PPP2R3B: variants seen among roughly 807,000 people sequenced by gnomAD.
PPP2R3B encodes the protein protein phosphatase 2 regulatory subunit B''beta, also known as serine/threonine-protein phosphatase 2A regulatory subunit B'' subunit beta.
Under a neutral mutation model 72.9 loss-of-function variants are expected in PPP2R3B, and 68 were observed. The ratio of observed to expected loss-of-function variants is 0.93; its 90% CI spans 0.77 to 1.14. The LOEUF (loss-of-function observed/expected upper bound fraction) is 1.14, where lower values mean the gene tolerates loss of function less well. PPP2R3B is among the 50% of genes most tolerant of loss of function. PPP2R3B has a pLI of 0.00. For synonymous variants in PPP2R3B, 466 were observed against 375.8 expected (o/e 1.24, Z -2.78); for missense variants, 1,018 against 842.0 (o/e 1.21, Z -2.59).
chrX:334,554 G>C, intron 12 of PPP2R3B, 37 bp from the exon 13 acceptor site: 2 of 1,469,516 alleles, frequency 1.4e-6, no homozygotes, highest in South Asian at 2.7e-5. Context: ...GGCCAGCAGC[G>C]CGGAGCAGGC....
At position 334,158 on chromosome X, in the gene PPP2R3B, C is replaced by T. The variant is rs755315889; in HGVS notation, c.*209G>A. 1.2e-4 allele frequency: 57 copies of T among 485,554 alleles called. No individual in the cohort carries two copies. The highest frequency in any genetic ancestry group is 1.5e-4 in the Non-Finnish European group (44 of 294,188). 30.1% of individuals were successfully genotyped at this position (485,554 alleles called of 1,614,324 possible). A position where few individuals can be genotyped will look rare whatever the true frequency, so the allele number is the denominator to read the frequency against. ...TCCGTGTGGGAACCCGTCCCATTCA[C>T]GCGCGGCCCTACGTGTCCCCCTGGC... On this transcript the variant is annotated 3_prime_UTR_variant, in exon 13 of 13. Coordinates refer to ENST00000390665, the MANE Select transcript of PPP2R3B (RefSeq NM_013239.5).
chrX:376,012 T>C (rs981855779), intron 1 of PPP2R3B, among the ~76,000 whole-genome samples: 20 of 152,012 alleles, frequency 1.3e-4, no homozygotes, highest in Non-Finnish European at 2.8e-4. Flanking sequence ...GCCAACATGG[T>C]GAAACCCTGT....
intron 10 of PPP2R3B, among the ~76,000 whole-genome samples, chrX:339,104 G>C (rs950692753): frequency 6.6e-6 from 1 of 151,238 alleles, no homozygotes; most frequent in East Asian, 2.0e-4. Context: ...ATGCGGAGGC[G>C]ACTAGGGGCC....
chrX:348,838 T>C (rs943044127), intron 2 of PPP2R3B, among the ~76,000 whole-genome samples: 1 of 150,804 alleles, frequency 6.6e-6, no homozygotes, highest in Non-Finnish European at 1.5e-5. Context: ...GACCAAACAT[T>C]GAAGGAAGAA....
In PPP2R3B at chrX:334,525, G is replaced by A. The variant is rs141516893; in HGVS notation, c.1578-8C>T. The A allele has an allele frequency of 2.3e-3, 3,500 of 1,531,512 alleles. 77 individuals are homozygous for A. In the African/African-American group the frequency reaches 0.042, roughly 18 times the overall value. The allele number at this position is 1,531,512 out of a possible 1,614,324, so 94.9% of individuals were successfully genotyped here. A position where few individuals can be genotyped will look rare whatever the true frequency, so the allele number is the denominator to read the frequency against. ...CTGAGCTCGGCCTCGAACCTGCAAC[G>A]AGGGGATGGCGAAGACGTGGCCAGC... On this transcript the variant is annotated splice_polypyrimidine_tract_variant and splice_region_variant and intron_variant, in intron 12 of 12. Transcript: ENST00000390665.
chrX:379,291 A>G (rs1427786305), intron 1 of PPP2R3B, among the ~76,000 whole-genome samples: 3 of 140,152 alleles, frequency 2.1e-5, no homozygotes, highest in African/African-American at 8.8e-5. Flanking sequence ...GTGTGTATGT[A>G]TCTGTGTGTA....
chrX:386,449 A>C lies in PPP2R3B; in HGVS notation c.243T>G (p.Pro81=). 2 of 1,315,266 alleles carry C rather than the reference A, an allele frequency of 1.5e-6. No individual in the cohort carries two copies. The highest frequency in any genetic ancestry group is 1.9e-6 in the Non-Finnish European group (2 of 1,029,394). 81.5% of individuals were successfully genotyped at this position (1,315,266 alleles called of 1,614,324 possible). ...LEPPGTPGPG[P]ALPLGAASSP... ...TGGAGGCGGCGCCCAGGGGCAGCGC[A>C]GGGCCCGGCCCGGGGGTTCCCGGGG... Residue 81 remains proline (P), a synonymous_variant, in exon 1 of 13, where the codon CCT becomes CCG. Transcript: ENST00000390665.
In PPP2R3B at chrX:386,874, G is replaced by T; in HGVS notation, c.-183C>A. The stretch of plus-strand genomic sequence containing the variant: ...GCGGGGCGCGGGGACCGAGGAGGGG[G>T]CGCGGTCCGGCCCGCGCTGCTCAGG... On this transcript the variant is annotated 5_prime_UTR_variant, in exon 1 of 13. Coordinates refer to ENST00000390665, the MANE Select transcript of PPP2R3B (RefSeq NM_013239.5). 1 of 209,462 alleles carries T rather than the reference G, an allele frequency of 4.8e-6. No homozygotes were observed. Among genetic ancestry groups the T allele is most frequent in the Non-Finnish European group, 9.1e-6 (1 of 109,836 alleles). The allele number at this position is 209,462 out of a possible 1,614,324, so 13.0% of individuals were successfully genotyped here.
intron 1 of PPP2R3B, among the ~76,000 whole-genome samples, chrX:376,409 G>A (rs2071995036): frequency 6.6e-6 from 1 of 152,194 alleles, no homozygotes; most frequent in Admixed American, 6.5e-5. Context: ...ATGGGGGAGG[G>A]ACAGGGCTGT....
chrX:342,020 G>T, intron 7 of PPP2R3B, 89 bp from the exon 8 acceptor site: 1 of 1,522,998 alleles, frequency 6.6e-7, no homozygotes, highest in Non-Finnish European at 9.1e-7. Context: ...ATGCGGTGGG[G>T]ACCGAAAAGC....
intron 1 of PPP2R3B, among the ~76,000 whole-genome samples, chrX:378,191 G>A (rs2072041238): frequency 1.3e-5 from 2 of 152,184 alleles, no homozygotes. Flanking sequence ...ATTGCCATCT[G>A]GGCCGATGAA....
In PPP2R3B at chrX:338,680, C is replaced by T. The variant is rs371032589; in HGVS notation, c.1501G>A (p.Asp501Asn). The stretch of plus-strand genomic sequence containing the variant: ...TCCTCGGCCGCGTACTTCTCCCAGT[C>T]CGAGAGCTCGGGGCCGCCGCTGTCA... The part of the protein sequence containing the change: ...DGDSGGPELS[D>N]WEKYAAEEYD... The change falls in exon 12 of 13, where the codon GAC (aspartate) becomes AAC (asparagine). Residue 501 changes from aspartate (D) to asparagine (N), a missense_variant. Asp to Asn is a conservative substitution (Grantham distance 23, BLOSUM62 1). Transcript: ENST00000390665. The T allele has an allele frequency of 3.1e-6, 5 of 1,611,706 alleles. No individual in the cohort carries two copies. The African/African-American group carries it at 5.3e-5, about 17-fold the overall frequency.
intron 7 of PPP2R3B, chrX:345,067 GCTCC>G (rs1409821620): frequency 2.4e-6 from 1 of 415,774 alleles, no homozygotes; most frequent in Non-Finnish European, 4.8e-6. Context: ...GGCGGCACCG[GCTCC>G]CGCGGAGGTA....
chrX:368,333 C>T (rs1262225563), intron 1 of PPP2R3B, among the ~76,000 whole-genome samples: 5 of 86,462 alleles, frequency 5.8e-5, no homozygotes, highest in African/African-American at 2.5e-4. Context: ...CCTTGGGCAC[C>T]GACACGGGGA....
intron 1 of PPP2R3B, among the ~76,000 whole-genome samples, chrX:370,102 G>A (rs984448593): frequency 2.0e-4 from 31 of 152,190 alleles, no homozygotes; most frequent in South Asian, 2.1e-4. Context: ...CCTGCAAACC[G>A]CACGCTGGAC....
chrX:346,203 C>A lies in PPP2R3B; in HGVS notation c.850G>T (p.Ala284Ser). Residue 284 changes from alanine to serine, a missense_variant, in exon 6 of 13, where the codon GCC (alanine) becomes TCC (serine). Coordinates refer to ENST00000390665, the MANE Select transcript of PPP2R3B (RefSeq NM_013239.5). ...AGGAAGGAGCTCCTCCGCAGCTCGG[C>A]GCAGGTGATCCTGCCGGACCAGGAC... is the stretch of plus-strand genomic sequence containing the variant. ...NRSWSGRITC[A>S]ELRRSSFLQN... The A allele has an allele frequency of 6.4e-7, 1 of 1,567,322 alleles. No homozygotes were observed. Among genetic ancestry groups the A allele is most frequent in the Non-Finnish European group, 8.6e-7 (1 of 1,158,270 alleles).
At chrX:377,963 G>C (rs2072035555) in intron 1 of PPP2R3B, among the ~76,000 whole-genome samples, 1 of 143,468 alleles carries the variant, frequency 7.0e-6, no homozygotes, top group Non-Finnish European at 1.5e-5. Flanking sequence ...ATGCAGGGAC[G>C]GGCCGTCTAC....
intron 2 of PPP2R3B, among the ~76,000 whole-genome samples, chrX:353,688 T>C (rs2071374834): frequency 6.6e-6 from 1 of 152,180 alleles, no homozygotes; most frequent in Non-Finnish European, 1.5e-5. Context: ...CCTGGCAATG[T>C]GGACCCAACA....
At chrX:350,980 C>T (rs1487216337) in intron 2 of PPP2R3B, among the ~76,000 whole-genome samples, 5 of 152,090 alleles carry the variant, frequency 3.3e-5, no homozygotes, top group South Asian at 2.1e-4. Context: ...GTGGCAGAGT[C>T]GTCCTGACAG....
Sources: allele counts gnomAD v4.1 joint callset (sites outside exome capture counted in the v4.1 genomes callset), GRCh38; gene constraint gnomAD v4.1.1; transcripts MANE v1.5; gene names NCBI Gene and HGNC (gene_info 2026-07-23, HGNC 2026-07-21).